TRPC5: variants seen among roughly 807,000 people sequenced by gnomAD.
The protein encoded by TRPC5 is short transient receptor potential channel 5.
A neutral mutation model predicts 56.5 loss-of-function variants in TRPC5; 9 were observed. The ratio of observed to expected loss-of-function variants is 0.16; its 90% confidence interval spans 0.10 to 0.28. The LOEUF is 0.28. Among genes scored for constraint, TRPC5 ranks in the 10% least tolerant of loss-of-function variants. TRPC5 has a pLI of 1.00. For synonymous variants in TRPC5, 282 were observed against 278.5 expected, an observed-to-expected ratio of 1.01 and a Z score of -0.13; for missense variants, 469 against 748.9, an observed-to-expected ratio of 0.63 and a Z score of 4.36.
intron 7 of TRPC5, among the ~76,000 whole-genome samples, chrX:111,829,453 G>A (rs1378894225): frequency 9.0e-6 from 1 of 111,703 alleles, no homozygotes; most frequent in Non-Finnish European, 1.9e-5. Flanking sequence ...TAAGATAATG[G>A]GGAAAATGTC....
At chrX:111,806,502 G>GGCCTC (rs1172551487) in intron 7 of TRPC5, among the ~76,000 whole-genome samples, 1 of 111,933 alleles carries the variant, frequency 8.9e-6, no homozygotes, top group Non-Finnish European at 1.9e-5. Context: ...TTGCCATGTG[G>GGCCTC]GCCTCTCTGC....
At chrX:111,933,249 G>A (rs769569822) in intron 2 of TRPC5, among the ~76,000 whole-genome samples, 1 of 111,862 alleles carries the variant, frequency 8.9e-6, no homozygotes, top group Admixed American at 9.6e-5. Context: ...TGTGAATTTT[G>A]CACTGATGTT....
chrX:112,070,614 G>A (rs1359320512), intron 1 of TRPC5, among the ~76,000 whole-genome samples: 1 of 110,598 alleles, frequency 9.0e-6, no homozygotes, highest in Admixed American at 9.6e-5. Context: ...CCTTTCTAAG[G>A]TTAATCTCTG....
intron 1 of TRPC5, among the ~76,000 whole-genome samples, chrX:112,065,319 A>G (rs1031060662): frequency 9.0e-6 from 1 of 111,455 alleles, no homozygotes; most frequent in Non-Finnish European, 1.9e-5. Flanking sequence ...CCTACCTCAC[A>G]TATTTCGTAT....
rs1945839723 is a variant in TRPC5, at chrX:111,770,915, C to T, written c.*5398G>A. Among the ~76,000 whole-genome samples, 1 of 112,177 alleles carries T rather than the reference C, an allele frequency of 8.9e-6. No homozygotes were observed. On this transcript the variant is annotated 3_prime_UTR_variant, in exon 11 of 11. Transcript: ENST00000262839. Reference sequence around the variant, plus strand: ...ACACTGCCACATATTCATTCAAGTGCCACTAAGGACAGTGCCTTTTGTGTG... The same window carrying T: ...ACACTGCCACATATTCATTCAAGTGTCACTAAGGACAGTGCCTTTTGTGTG...
chrX:111,807,821 TC>T (rs2148563617), intron 7 of TRPC5, among the ~76,000 whole-genome samples: 1 of 112,539 alleles, frequency 8.9e-6, no homozygotes, highest in East Asian at 2.8e-4. Context: ...ATACTGTGGC[TC>T]TTGCAGACTT....
At chrX:111,981,972 C>T (rs1259178317) in intron 1 of TRPC5, among the ~76,000 whole-genome samples, 1 of 111,412 alleles carries the variant, frequency 9.0e-6, no homozygotes, top group African/African-American at 3.3e-5. Context: ...CCATGATGTT[C>T]TCATGATAGT....
chrX:112,081,252 G>C (rs1007185596), intron 1 of TRPC5, among the ~76,000 whole-genome samples: 2 of 112,162 alleles, frequency 1.8e-5, no homozygotes, highest in Non-Finnish European at 3.8e-5. Context: ...GAGTCGATGT[G>C]TGTCTAGGGA....
Position 111,908,440 on chromosome X carries a change from A to G in TRPC5, c.900+3851T>C, listed in dbSNP as rs1391403385. 6.3e-5 allele frequency among the ~76,000 whole-genome samples: 7 copies of G among 111,637 alleles called. No individual in the cohort carries two copies. In the Admixed American group the frequency reaches 6.7e-4, roughly 11 times the overall value. The stretch of plus-strand genomic sequence containing the variant: ...TTTGGAGCAAAATATATAAATATAA[A>G]TCTCCAAATGATTCTGAAGTCTCTG... On this transcript the variant is annotated intron_variant, in intron 3 of 10. Coordinates refer to ENST00000262839, the MANE Select transcript of TRPC5 (RefSeq NM_012471.3).
intron 1 of TRPC5, among the ~76,000 whole-genome samples, chrX:112,032,589 A>G (rs1929616402): frequency 8.9e-6 from 1 of 112,272 alleles, no homozygotes; most frequent in Admixed American, 9.4e-5. Context: ...GAATGTATGT[A>G]CATATGCTTG....
intron 7 of TRPC5, among the ~76,000 whole-genome samples, chrX:111,787,047 C>G (rs937055110): frequency 1.0e-4 from 11 of 109,944 alleles, no homozygotes; most frequent in African/African-American, 3.3e-4. Context: ...AGCTCTGAAA[C>G]AAGGAGACCT....
chrX:112,070,427 G>T (rs1351343455), intron 1 of TRPC5, among the ~76,000 whole-genome samples: 2 of 111,007 alleles, frequency 1.8e-5, no homozygotes, highest in Non-Finnish European at 1.9e-5. Context: ...ATTTCTTTCT[G>T]AAAGTTCCAT....
At chrX:111,981,104 C>G (rs1271517138) in intron 1 of TRPC5, among the ~76,000 whole-genome samples, 3 of 109,238 alleles carry the variant, frequency 2.7e-5, no homozygotes, top group Non-Finnish European at 5.7e-5. Context: ...TGAGAAATCC[C>G]AAGATCTGCA....
intron 1 of TRPC5, among the ~76,000 whole-genome samples, chrX:112,077,153 G>A (rs1351666137): frequency 9.0e-6 from 1 of 111,411 alleles, no homozygotes; most frequent in Non-Finnish European, 1.9e-5. Context: ...CAAAGTGCAT[G>A]TTTACACAGC....
chrX:111,945,496 C>T (rs774301329), intron 2 of TRPC5, among the ~76,000 whole-genome samples: 43 of 110,170 alleles, frequency 3.9e-4, no homozygotes, highest in African/African-American at 1.3e-3. Flanking sequence ...TGTGCGCACA[C>T]ACACCGACAT....
chrX:111,881,657 A>C (rs1019986080), intron 3 of TRPC5, among the ~76,000 whole-genome samples: 1 of 110,746 alleles, frequency 9.0e-6, no homozygotes, highest in Non-Finnish European at 1.9e-5. Flanking sequence ...TATACTATAA[A>C]TACATCTGGT....
In TRPC5 at chrX:111,844,358, C is replaced by T. The variant is rs760587356; in HGVS notation, c.1700+2756G>A. Among the ~76,000 whole-genome samples the T allele has an allele frequency of 5.9e-3, 655 of 111,470 alleles. 4 individuals are homozygous for T. The highest frequency in any genetic ancestry group is 7.5e-3 in the Non-Finnish European group (399 of 53,076). Reference sequence around the variant, plus strand: ...CCAGTATGCAATACCAAACTCAAACCCCCAGCTGTACTGTCATGTGGTTGT... The same window carrying T: ...CCAGTATGCAATACCAAACTCAAACTCCCAGCTGTACTGTCATGTGGTTGT... On this transcript the variant is annotated intron_variant, in intron 6 of 10. Coordinates refer to ENST00000262839, the MANE Select transcript of TRPC5 (RefSeq NM_012471.3).
rs1477388562 is a variant in TRPC5, at chrX:111,952,206, C to T, written c.215G>A (p.Ser72Asn). The change falls in exon 2 of 11, where the codon AGT becomes AAT. Residue 72 changes from serine (S) to asparagine (N), a missense_variant. Ser to Asn is a conservative substitution (Grantham distance 46, BLOSUM62 1). Coordinates refer to ENST00000262839, the MANE Select transcript of TRPC5 (RefSeq NM_012471.3). ...GTTCTCAATGGCAATGAGCAGGGCACTCCGGCCCAAGGGGTCCATGCAGTT... is the reference window on the plus strand; with the variant it reads ...GTTCTCAATGGCAATGAGCAGGGCATTCCGGCCCAAGGGGTCCATGCAGTT... Reference protein sequence around the residue: ...NINCMDPLGRSALLIAIENEN... With the variant: ...NINCMDPLGRNALLIAIENEN... 1 of 1,210,457 alleles carries T rather than the reference C, an allele frequency of 8.3e-7. No individual in the cohort carries two copies. Among genetic ancestry groups the T allele is most frequent in the East Asian group, 3.0e-5 (1 of 33,757 alleles).
At chrX:111,825,146 C>CCTTCCTTTCTTT (rs1922158948) in intron 7 of TRPC5, among the ~76,000 whole-genome samples, 1 of 59,385 alleles carries the variant, frequency 1.7e-5, no homozygotes, top group Non-Finnish European at 3.5e-5. Context: ...TTCCTTCCTT[C>CCTTCCTTTCTTT]CTTTCTTTCT....
Sources: allele counts gnomAD v4.1 joint callset (sites outside exome capture counted in the v4.1 genomes callset), GRCh38; gene constraint gnomAD v4.1.1; transcripts MANE v1.5; gene names NCBI Gene and HGNC (gene_info 2026-07-23, HGNC 2026-07-21).